RSF1: variants seen among roughly 807,000 people sequenced by gnomAD.
The protein encoded by RSF1 is remodeling and spacing factor 1, also known as HBV pX-associated protein 8.
A neutral mutation model predicts 145.2 loss-of-function variants in RSF1; 13 were observed. The observed-to-expected ratio is 0.09, with a 90% confidence interval of 0.06 to 0.14. RSF1 has a LOEUF of 0.14. Ranked by LOEUF, RSF1 falls within the 10% of genes least tolerant of loss-of-function variation. RSF1 has a pLI of 1.00. For synonymous variants in RSF1, 577 were observed against 592.6 expected, an observed-to-expected ratio of 0.97 and a Z score of 0.38; for missense variants, 1,517 against 1,718.2, an observed-to-expected ratio of 0.88 and a Z score of 2.07.
chr11:77,812,368 G>C (rs1246264040), intron 1 of RSF1, among the ~76,000 whole-genome samples: 3 of 152,160 alleles, frequency 2.0e-5, no homozygotes, highest in Admixed American at 2.0e-4. Context: ...TTCAGAAAAT[G>C]ATTAAGATAA....
At chr11:77,700,643 C>T (rs1960395805) in intron 6 of RSF1, 78 bp downstream of exon 6, 1 of 1,065,860 alleles carries the variant, frequency 9.4e-7, no homozygotes, top group Non-Finnish European at 1.3e-6. Context: ...TCTTTGATGA[C>T]TAAGTTTTAG....
intron 1 of RSF1, among the ~76,000 whole-genome samples, chr11:77,818,209 T>C (rs1948800465): frequency 6.6e-6 from 1 of 152,196 alleles, no homozygotes; most frequent in African/African-American, 2.4e-5. Flanking sequence ...CTGACTCTAA[T>C]ATTGTATTCC....
At chr11:77,759,751 C>A (rs559502597) in intron 2 of RSF1, among the ~76,000 whole-genome samples, 3 of 151,796 alleles carry the variant, frequency 2.0e-5, no homozygotes, top group Non-Finnish European at 2.9e-5. Context: ...ATCAGACAAG[C>A]CTGTGTTCAA....
rs112909497 is a variant in RSF1 at position 77,741,552 on chromosome 11, A to ATT, written c.373-618_373-617dup. On this transcript the variant is annotated intron_variant, in intron 3 of 15. Coordinates refer to ENST00000308488, the MANE Select transcript of RSF1 (RefSeq NM_016578.4). ...AAAAAATTTCTATTAAAAATGTTTC[A>ATT]TTTTTTTTTTACATTTTCTTTATTT... Among the ~76,000 whole-genome samples, 8 of 149,776 alleles carry ATT rather than the reference A, an allele frequency of 5.3e-5. No individual in the cohort carries two copies. In the East Asian group the frequency reaches 9.8e-4, roughly 18 times the overall value.
At chr11:77,798,581 T>TAAAAAAA (rs543236647) in intron 1 of RSF1, among the ~76,000 whole-genome samples, 3 of 24,496 alleles carry the variant, frequency 1.2e-4, no homozygotes, top group African/African-American at 3.9e-4. Flanking sequence ...GACTCCATCT[T>TAAAAAAA]AAAAAAAAAA....
intron 3 of RSF1, 90 bp downstream of exon 3, chr11:77,746,945 AT>A: frequency 1.3e-6 from 1 of 740,840 alleles, no homozygotes. Context: ...AATAATAAAA[AT>A]GTCTACTTTT....
intron 1 of RSF1, among the ~76,000 whole-genome samples, chr11:77,806,522 T>A (rs1329444550): frequency 6.8e-6 from 1 of 147,948 alleles, no homozygotes; most frequent in African/African-American, 2.5e-5. Context: ...AAAAAAAGAT[T>A]TTTTTTTTTT....
At chr11:77,762,757 A>C (rs1040419844) in intron 2 of RSF1, 1 of 152,228 alleles carries the variant, frequency 6.6e-6, no homozygotes. Flanking sequence ...AGCAGATGCC[A>C]GATACTTGCT....
chr11:77,698,627 T>G lies in RSF1; in HGVS notation c.2575A>C (p.Asn859His). The change falls in exon 7 of 16, where the codon AAT becomes CAT. Residue 859 changes from asparagine (N) to histidine (H), a missense_variant. Transcript: ENST00000308488. ...CTGCCAGACCCTTCACTTTCATCAT[T>G]GCTGGAATATTTCCATCTGCCACGT... ...RTRGRWKYSS[N>H]DESEGSGSEK... is the part of the protein sequence containing the mutation. 1 of 1,614,196 alleles carries G rather than the reference T, an allele frequency of 6.2e-7. No homozygotes were observed. Among genetic ancestry groups the G allele is most frequent in the Non-Finnish European group, 8.5e-7 (1 of 1,180,040 alleles).
chr11:77,694,338 G>A (rs933061091), intron 7 of RSF1, among the ~76,000 whole-genome samples: 1 of 151,968 alleles, frequency 6.6e-6, no homozygotes, highest in Non-Finnish European at 1.5e-5. Flanking sequence ...AACACTCATG[G>A]TTCTTTTTAT....
chr11:77,784,011 G>A (rs911137908), intron 1 of RSF1, among the ~76,000 whole-genome samples: 2 of 152,134 alleles, frequency 1.3e-5, no homozygotes, highest in Non-Finnish European at 1.5e-5. Flanking sequence ...TGTGTTTGTC[G>A]TACTTTAGGT....
chr11:77,698,567 C>T lies in RSF1; in HGVS notation c.2635G>A (p.Glu879Lys), dbSNP rs760766696. The change falls in exon 7 of 16, where the codon GAA (glutamate) becomes AAA (lysine). Residue 879 changes from glutamate to lysine, a missense_variant. By Grantham distance (56) the Glu-to-Lys change is moderately conservative (BLOSUM62 1). Around this residue, in one of 12 missense-constraint regions of RSF1, gnomAD observed 24 missense variants for 32.1 expected, o/e 0.75. Transcript: ENST00000308488. ...AGGATGGCTTCTTCACTTTCCTTTT[C>T]TTCCTCCTCTTCTGAAGCTGCAGAT... is the stretch of plus-strand genomic sequence containing the variant. ...KSSAASEEEE[E>K]KESEEAILAD... 6.2e-7 allele frequency: 1 copy of T among 1,614,158 alleles called. No homozygotes were observed. Among genetic ancestry groups the T allele is most frequent in the South Asian group, 1.1e-5 (1 of 91,084 alleles).
chr11:77,777,874 G>A (rs1367330604), intron 1 of RSF1, among the ~76,000 whole-genome samples: 1 of 151,078 alleles, frequency 6.6e-6, no homozygotes, highest in Non-Finnish European at 1.5e-5. Flanking sequence ...CCATTGTATT[G>A]AAAAATTAAC....
the RSF1 span, among the ~76,000 whole-genome samples, chr11:77,830,716 C>T: frequency 1.3e-5 from 2 of 151,984 alleles, no homozygotes; most frequent in Non-Finnish European, 2.9e-5. Flanking sequence ...TCTACAAAAA[C>T]ACATGTCAAT....
chr11:77,847,309 T>A, the RSF1 span, among the ~76,000 whole-genome samples: 2 of 152,244 alleles, frequency 1.3e-5, no homozygotes, highest in African/African-American at 2.4e-5. Flanking sequence ...AGGATGTTTA[T>A]TTTTATCTGG....
chr11:77,740,802 T>G lies in RSF1; in HGVS notation c.507A>C (p.Gln169His), dbSNP rs1342643374. The stretch of plus-strand genomic sequence containing the variant: ...CTATGTACATTCTGACATTGTGATC[T>G]TGATCCAATTGGTACCAGTACATGA... ...DGLMYWYQLD[Q>H]DHNVRMYIEE... Residue 169 changes from glutamine to histidine, a missense_variant, in exon 4 of 16, where the codon CAA becomes CAC. This residue lies in a region of RSF1 where 94 missense variants were observed against 143.6 expected (regional missense o/e 0.65). Transcript: ENST00000308488. 2.5e-6 allele frequency: 4 copies of G among 1,614,160 alleles called. No homozygotes were observed. The East Asian group carries it at 8.9e-5, about 36-fold the overall frequency.
intron 1 of RSF1, among the ~76,000 whole-genome samples, chr11:77,771,408 G>A (rs1471324603): frequency 6.6e-6 from 1 of 152,112 alleles, no homozygotes; most frequent in African/African-American, 2.4e-5. Flanking sequence ...CAGGCAAAAG[G>A]AAATGCATGT....
chr11:77,674,909 G>T (rs928388626), intron 14 of RSF1, 127 bp downstream of exon 14: 75 of 666,522 alleles, frequency 1.1e-4, no homozygotes, highest in Non-Finnish European at 1.5e-4. Context: ...TGAGGTAGGA[G>T]AATCGCTTGA....
chr11:77,747,187 C>A, intron 2 of RSF1, 59 bp from the exon 3 acceptor site: 2 of 1,037,232 alleles, frequency 1.9e-6, no homozygotes, highest in Non-Finnish European at 1.5e-6. Context: ...TGTTTGCAGG[C>A]TTGTACAACT....
Sources: gnomAD v4.1 joint callset for allele counts (sites outside exome capture counted in the v4.1 genomes callset) on GRCh38, gnomAD v4.1.1 for gene constraint, gnomAD v4.1.1 regional missense constraint, MANE v1.5 for transcripts, NCBI Gene and HGNC (gene_info 2026-07-23, HGNC 2026-07-21) for gene names.